The following SUN5 variants were observed in gnomAD, a reference collection of about 807,000 sequenced individuals.
The protein encoded by SUN5 is SUN domain-containing protein 5.
A neutral mutation model predicts 53.7 loss-of-function variants in SUN5; 44 were observed. That is an observed-to-expected ratio of 0.82 (90% CI 0.64 to 1.05). The LOEUF (loss-of-function observed/expected upper bound fraction) is 1.05, where lower values mean the gene tolerates loss of function less well. SUN5 is among the 50% of genes least tolerant of loss of function. The pLI is 0.00. For missense variants in SUN5, 433 were observed against 483.8 expected (o/e 0.90, Z 0.98); for synonymous variants, 166 against 179.8 (o/e 0.92, Z 0.62).
chr20:33,004,286 C>A lies in SUN5; in HGVS notation c.55G>T (p.Ala19Ser), dbSNP rs1419827332. 1.3e-6 allele frequency: 2 copies of A among 1,578,790 alleles called. No individual in the cohort carries two copies. Among genetic ancestry groups the A allele is most frequent in the South Asian group, 2.3e-5 (2 of 85,516 alleles). Residue 19 changes from alanine (A) to serine (S), a missense_variant, in exon 1 of 13, where the codon GCC (alanine) becomes TCC (serine). Ala to Ser is a moderately conservative substitution (Grantham distance 99, BLOSUM62 1). Transcript: ENST00000356173. ...CACCTCCGGGGTCTGGGATTGTGGGCCACATCTTCGAGTAGGGCGCCTGGG... is the reference window on the plus strand; with the variant it reads ...CACCTCCGGGGTCTGGGATTGTGGGACACATCTTCGAGTAGGGCGCCTGGG... ...GDPGALLEDVAHNPRPRRIAQ... is the reference protein window; with the variant it reads ...GDPGALLEDVSHNPRPRRIAQ...
At chr20:32,985,275 C>A in intron 11 of SUN5, 90 bp from the exon 12 acceptor site, 2 of 1,195,392 alleles carry the variant, frequency 1.7e-6, no homozygotes, top group East Asian at 2.4e-5. Flanking sequence ...TGCACACTCC[C>A]CAGGATGGGA....
At position 32,987,693 on chromosome 20, in the gene SUN5, C is replaced by T. The variant is rs137876184; in HGVS notation, c.696G>A (p.Trp232Ter). ...TCACGTCTGGGGGCTGTGCGTAGTT[C>T]CACAGCTGGATCCAGTTCCAGTAGG... ...AHSYWNWIQL[W>*]NYAQPPDVIL... The change falls in exon 10 of 13, where the codon TGG becomes TGA. Residue 232 changes from tryptophan to a stop codon, truncating the protein, a stop_gained. Coordinates refer to ENST00000356173, the MANE Select transcript of SUN5 (RefSeq NM_080675.4). LOFTEE classifies it high-confidence loss of function. 1 of 1,613,156 alleles carries T rather than the reference C, an allele frequency of 6.2e-7. No homozygotes were observed. Among genetic ancestry groups the T allele is most frequent in the South Asian group, 1.1e-5 (1 of 90,628 alleles).
chr20:32,992,057 A>G (rs1485640941), intron 8 of SUN5, among the ~76,000 whole-genome samples: 2 of 152,348 alleles, frequency 1.3e-5, no homozygotes, highest in East Asian at 3.9e-4. Flanking sequence ...TTGCGAATTC[A>G]TCTGCCCAGC....
chr20:33,001,839 T>C (rs1458857290), intron 3 of SUN5, among the ~76,000 whole-genome samples: 1 of 151,938 alleles, frequency 6.6e-6, no homozygotes, highest in African/African-American at 2.4e-5. Flanking sequence ...CGGCTAATTT[T>C]TGTGGGGTTT....
intron 8 of SUN5, among the ~76,000 whole-genome samples, chr20:32,994,693 G>A (rs1156502861): frequency 6.6e-6 from 1 of 152,154 alleles, no homozygotes; most frequent in African/African-American, 2.4e-5. Context: ...GAGGTCAGGA[G>A]TTCAAGACCA....
At position 33,001,207 on chromosome 20, in the gene SUN5, C is replaced by T; in HGVS notation, c.278+5G>A. 6.4e-7 allele frequency: 1 copy of T among 1,569,354 alleles called. No homozygotes were observed. Among genetic ancestry groups the T allele is most frequent in the South Asian group, 1.2e-5 (1 of 85,398 alleles). ...ATCCACCCTCCCCCTGCCTTCCCTGCTCACCTGCACGTGTTAAACAGAACC... is the reference window on the plus strand; with the variant it reads ...ATCCACCCTCCCCCTGCCTTCCCTGTTCACCTGCACGTGTTAAACAGAACC... On this transcript the variant is annotated splice_donor_5th_base_variant and intron_variant, in intron 4 of 12. Coordinates refer to ENST00000356173, the MANE Select transcript of SUN5 (RefSeq NM_080675.4).
intron 8 of SUN5, among the ~76,000 whole-genome samples, chr20:32,992,573 G>T (rs1376339310): frequency 1.5e-5 from 2 of 132,694 alleles, no homozygotes; most frequent in Non-Finnish European, 3.3e-5. Flanking sequence ...GATACCCAAA[G>T]CACTGCACAA....
chr20:32,993,653 G>C (rs1043566391), intron 8 of SUN5, among the ~76,000 whole-genome samples: 4 of 152,172 alleles, frequency 2.6e-5, no homozygotes, highest in Non-Finnish European at 1.5e-5. Flanking sequence ...TCCCTTTGAG[G>C]GAGGGCACCG....
chr20:33,004,051 G>A (rs1000483645), intron 1 of SUN5, among the ~76,000 whole-genome samples: 1 of 152,216 alleles, frequency 6.6e-6, no homozygotes. Flanking sequence ...CCGGCACACA[G>A]TAGATGCTCA....
Position 33,004,333 on chromosome 20 carries a change from C to A in SUN5, c.8G>T (p.Arg3Leu), listed in dbSNP as rs111516221. The A allele has an allele frequency of 7.7e-6, 12 of 1,563,846 alleles. No homozygotes were observed. In the African/African-American group the frequency reaches 1.2e-4, roughly 16 times the overall value. Residue 3 changes from arginine to leucine, a missense_variant, in exon 1 of 13, where the codon CGG (arginine) becomes CTG (leucine). By Grantham distance (102) the Arg-to-Leu change is moderately radical. Transcript: ENST00000356173. The stretch of plus-strand genomic sequence containing the variant: ...TGGGTCCCCAGGGCTCCTTGAGGAC[C>A]GTGGCATCGATTTCCTTCTTTAGGA... MP[R>L]SSRSPGDPGA...
At chr20:32,986,092 T>C (rs1199538601) in intron 10 of SUN5, among the ~76,000 whole-genome samples, 189 bp from the exon 11 acceptor site, 8 of 152,114 alleles carry the variant, frequency 5.3e-5, no homozygotes, top group African/African-American at 1.9e-4. Flanking sequence ...TTACTTCAGT[T>C]CAATGCAGTA....
At position 33,000,150 on chromosome 20, in the gene SUN5, G is replaced by A; in HGVS notation, c.279-15C>T. ...GCAGCTTGCATCTGGAAGGCAGGGAGTGGTGGTCAAGATCAGGTGGGCAAG... is the reference window on the plus strand; with the variant it reads ...GCAGCTTGCATCTGGAAGGCAGGGAATGGTGGTCAAGATCAGGTGGGCAAG... On this transcript the variant is annotated splice_polypyrimidine_tract_variant and intron_variant, in intron 4 of 12. Transcript: ENST00000356173. 6.3e-7 allele frequency: 1 copy of A among 1,596,090 alleles called. No individual in the cohort carries two copies. Among genetic ancestry groups the A allele is most frequent in the Non-Finnish European group, 8.5e-7 (1 of 1,172,714 alleles).
At chr20:33,000,212 CT>C in intron 4 of SUN5, 77 bp from the exon 5 acceptor site, 1 of 1,493,064 alleles carries the variant, frequency 6.7e-7, no homozygotes, top group Non-Finnish European at 9.0e-7. Flanking sequence ...TCGTCACTCT[CT>C]TTCTCCGTAG....
At chr20:33,002,518 T>A in intron 3 of SUN5, 69 bp downstream of exon 3, 1 of 1,545,346 alleles carries the variant, frequency 6.5e-7, no homozygotes, top group Admixed American at 1.7e-5. Flanking sequence ...CAGGTCAGCC[T>A]GGGCCGAGGC....
intron 3 of SUN5, 125 bp from the exon 4 acceptor site, chr20:33,001,403 C>G (rs979328364): frequency 9.4e-7 from 1 of 1,060,060 alleles, no homozygotes; most frequent in Non-Finnish European, 1.4e-6. Flanking sequence ...ACTTGTTGGC[C>G]GAGCCTGGGA....
chr20:33,000,882 G>A (rs934657105), intron 4 of SUN5, among the ~76,000 whole-genome samples: 1 of 151,672 alleles, frequency 6.6e-6, no homozygotes, highest in Non-Finnish European at 1.5e-5. Context: ...ACGTGCAAAT[G>A]TGTGGAGGTG....
chr20:32,984,887 C>A (rs1003220055), intron 12 of SUN5, among the ~76,000 whole-genome samples: 3 of 152,208 alleles, frequency 2.0e-5, no homozygotes, highest in Admixed American at 6.5e-5. Context: ...AAAAAGGGGA[C>A]ATGGCCACAG....
At chr20:32,990,149 C>G (rs1297499893) in intron 8 of SUN5, among the ~76,000 whole-genome samples, 1 of 152,206 alleles carries the variant, frequency 6.6e-6, no homozygotes, top group Admixed American at 6.5e-5. Context: ...TATCCCCTCC[C>G]AGCACCCCTA....
intron 3 of SUN5, among the ~76,000 whole-genome samples, chr20:33,001,655 C>CTCCCTCCT (rs1555876541): frequency 2.4e-5 from 3 of 123,390 alleles, no homozygotes; most frequent in South Asian, 3.3e-4. Context: ...CCCTCCCTCC[C>CTCCCTCCT]TCCCTCCCTC....
Sources: allele counts gnomAD v4.1 joint callset (sites outside exome capture counted in the v4.1 genomes callset), GRCh38; gene constraint gnomAD v4.1.1; transcripts MANE v1.5; gene names NCBI Gene and HGNC (gene_info 2026-07-23, HGNC 2026-07-21).